Variants in RELN observed in about 807,000 individuals in gnomAD.
The protein encoded by RELN is reelin.
In RELN, 108 loss-of-function variants were observed where a neutral mutation model predicts 427.6. The observed-to-expected ratio is 0.25, with a 90% CI of 0.22 to 0.30. The LOEUF (loss-of-function observed/expected upper bound fraction) is 0.30, where lower values mean the gene tolerates loss of function less well. RELN is among the 10% of genes least tolerant of loss of function. The probability of loss-of-function intolerance (pLI) is 1.00; values close to 1 mark genes in which losing one functional copy is unlikely to be tolerated. For synonymous variants in RELN, 1,524 were observed against 1,513.4 expected (o/e 1.01, Z -0.16); for missense variants, 3,715 against 4,302.8 (o/e 0.86, Z 3.82).
chr7:103,674,560 C>A (rs1000549104), intron 11 of RELN, among the ~76,000 whole-genome samples: 2 of 152,090 alleles, frequency 1.3e-5, no homozygotes, highest in Admixed American at 6.5e-5. Flanking sequence ...GGGCACAGTG[C>A]CCTGCTTCTC....
rs34695080 is a variant in RELN at position 103,856,569 on chromosome 7, C to CAA, written c.338-22899_338-22898dup. Reference sequence around the variant, plus strand: ...GGGCAACAAGAGTCAAACTCCACCTCAAAAAAAAAAAAAAAAAAAGAAAGA... The same window carrying CAA: ...GGGCAACAAGAGTCAAACTCCACCTCAAAAAAAAAAAAAAAAAAAAAGAAAGA... On this transcript the variant is annotated intron_variant, in intron 2 of 64. Coordinates refer to ENST00000428762, the MANE Select transcript of RELN (RefSeq NM_005045.4). Among the ~76,000 whole-genome samples the CAA allele has an allele frequency of 6.8e-3, 548 of 80,282 alleles. 10 individuals are homozygous for CAA. The highest frequency in any genetic ancestry group is 0.025 in the African/African-American group (506 of 20,396). The allele number at this position is 80,282 out of a possible 152,430, so 52.7% of individuals were successfully genotyped here.
intron 1 of RELN, among the ~76,000 whole-genome samples, chr7:103,982,231 T>G (rs1164446744): frequency 6.6e-6 from 1 of 152,048 alleles, no homozygotes; most frequent in Non-Finnish European, 1.5e-5. Flanking sequence ...TATCGCTGAA[T>G]TATACCGCCA....
At chr7:103,515,464 G>A in intron 49 of RELN, 23 bp from the exon 50 acceptor site, 1 of 1,612,422 alleles carries the variant, frequency 6.2e-7, no homozygotes, top group East Asian at 2.2e-5. Context: ...GATGGGGAAG[G>A]GTGTGGGGAA....
At chr7:103,913,052 G>A (rs1181184377) in intron 2 of RELN, among the ~76,000 whole-genome samples, 1 of 152,102 alleles carries the variant, frequency 6.6e-6, no homozygotes, top group Admixed American at 6.6e-5. Context: ...GTCATCTTTT[G>A]CATAGCTATT....
chr7:103,785,899 G>C (rs1489959949), intron 3 of RELN, among the ~76,000 whole-genome samples: 1 of 151,402 alleles, frequency 6.6e-6, no homozygotes, highest in Non-Finnish European at 1.5e-5. Flanking sequence ...ATCAAAAGCT[G>C]TTTTTGATCT....
chr7:103,905,934 C>T (rs1795195244), intron 2 of RELN, among the ~76,000 whole-genome samples: 1 of 151,734 alleles, frequency 6.6e-6, no homozygotes, highest in Non-Finnish European at 1.5e-5. Context: ...GGAAGGGGGC[C>T]CTAAAAGATG....
At chr7:103,560,822 A>G (rs184105271) in intron 36 of RELN, among the ~76,000 whole-genome samples, 1 of 152,218 alleles carries the variant, frequency 6.6e-6, no homozygotes, top group Non-Finnish European at 1.5e-5. Context: ...TCTATTGACT[A>G]TAATTGAAAA....
chr7:103,499,398 T>C (rs1370277950), intron 53 of RELN, among the ~76,000 whole-genome samples: 2 of 152,226 alleles, frequency 1.3e-5, no homozygotes, highest in African/African-American at 2.4e-5. Flanking sequence ...CTGTCTACAG[T>C]ACTTTCATTT....
chr7:103,767,441 T>C (rs2116161379), intron 4 of RELN, among the ~76,000 whole-genome samples: 1 of 152,316 alleles, frequency 6.6e-6, no homozygotes. Context: ...CTTGCTTGGC[T>C]TCATCACTAA....
chr7:103,761,628 T>TTG (rs1554414212), intron 4 of RELN, among the ~76,000 whole-genome samples: 3 of 149,830 alleles, frequency 2.0e-5, no homozygotes, highest in African/African-American at 7.4e-5. Context: ...AATTTTTTTT[T>TTG]GGGGGGGGGT....
chr7:103,972,177 C>T (rs1191709202), intron 1 of RELN, among the ~76,000 whole-genome samples: 2 of 152,220 alleles, frequency 1.3e-5, no homozygotes, highest in African/African-American at 4.8e-5. Context: ...TGTTTGTGTG[C>T]ATCCATATAC....
At chr7:103,855,587 T>C (rs34833935) in intron 2 of RELN, among the ~76,000 whole-genome samples, 21,845 of 152,180 alleles carry the variant, frequency 0.14, 1,872 homozygotes, top group East Asian at 0.34. Context: ...TTTATGCCAT[T>C]TATTAGTTTT....
chr7:103,641,413 T>A (rs1832691183), intron 16 of RELN, among the ~76,000 whole-genome samples: 1 of 152,204 alleles, frequency 6.6e-6, no homozygotes, highest in African/African-American at 2.4e-5. Flanking sequence ...ACTTAATACC[T>A]GCCAATTAAC....
At chr7:103,690,698 C>A (rs1462062473) in intron 10 of RELN, among the ~76,000 whole-genome samples, 1 of 152,086 alleles carries the variant, frequency 6.6e-6, no homozygotes, top group Non-Finnish European at 1.5e-5. Context: ...AGTGCATGAG[C>A]TGCTTACTCT....
chr7:103,899,805 A>T (rs1389210040), intron 2 of RELN, among the ~76,000 whole-genome samples: 1 of 152,164 alleles, frequency 6.6e-6, no homozygotes, highest in Middle Eastern at 3.2e-3. Flanking sequence ...TCTCAAAATA[A>T]TAAGAGCTAT....
At chr7:103,639,318 GT>G (rs1335007942) in intron 17 of RELN, among the ~76,000 whole-genome samples, 1 of 151,862 alleles carries the variant, frequency 6.6e-6, no homozygotes, top group African/African-American at 2.4e-5. Context: ...CTGAAATATA[GT>G]TAGAAAGTTA....
chr7:103,779,568 A>G (rs1791834421), intron 3 of RELN, among the ~76,000 whole-genome samples: 1 of 152,086 alleles, frequency 6.6e-6, no homozygotes, highest in Non-Finnish European at 1.5e-5. Flanking sequence ...ATGTCACACC[A>G]CTGGTGGCAA....
At chr7:103,619,269 T>C (rs1832159309) in intron 20 of RELN, among the ~76,000 whole-genome samples, 1 of 152,196 alleles carries the variant, frequency 6.6e-6, no homozygotes, top group Non-Finnish European at 1.5e-5. Flanking sequence ...AGGTTGTCTG[T>C]ACACAATGGC....
intron 10 of RELN, among the ~76,000 whole-genome samples, chr7:103,691,837 TAAAAAG>T (rs1258810919): frequency 6.6e-6 from 1 of 151,982 alleles, no homozygotes; most frequent in African/African-American, 2.4e-5. Context: ...AAAACTAAAA[TAAAAAG>T]AAAAAATCAT....
Sources: allele counts gnomAD v4.1 joint callset (sites outside exome capture counted in the v4.1 genomes callset), GRCh38; gene constraint gnomAD v4.1.1; transcripts MANE v1.5; gene names NCBI Gene and HGNC (gene_info 2026-07-23, HGNC 2026-07-21).